Variants in TXNDC16 observed in about 807,000 individuals in gnomAD.
The protein encoded by TXNDC16 is thioredoxin domain-containing protein 16.
TXNDC16 carries 74 observed loss-of-function variants against 85.6 expected under a neutral mutation model. That is an observed-to-expected ratio of 0.86 (90% confidence interval 0.72 to 1.05). TXNDC16 has a LOEUF of 1.05. Ranked by LOEUF, TXNDC16 falls within the 50% of genes least tolerant of loss-of-function variation. TXNDC16 has a pLI of 0.00. For synonymous variants in TXNDC16, 335 were observed against 326.5 expected (o/e 1.03, Z -0.28); for missense variants, 959 against 947.0 (o/e 1.01, Z -0.17).
intron 12 of TXNDC16, among the ~76,000 whole-genome samples, chr14:52,485,855 T>C (rs1016404814): frequency 6.6e-6 from 1 of 152,176 alleles, no homozygotes; most frequent in Non-Finnish European, 1.5e-5. Context: ...ACTATCCTCA[T>C]CGTTAGGAGA....
intron 6 of TXNDC16, among the ~76,000 whole-genome samples, chr14:52,528,984 CTATATAAAACCTAT>C (rs2037408201): frequency 2.0e-5 from 3 of 147,166 alleles, no homozygotes; most frequent in African/African-American, 7.4e-5. Flanking sequence ...TCTATATAAT[CTATATAAAACCTAT>C]TATATATTTT....
chr14:52,543,534 A>G lies in TXNDC16; in HGVS notation c.24T>C (p.Phe8=). MFSGFNV[F]RVGISFVIMC... ...TTATGACAAAAGAGATCCCAACTCT[A>G]AAGACATTGAAGCCGGAAAACATTA... Residue 8 remains phenylalanine, a synonymous_variant, in exon 3 of 21, where the codon TTT becomes TTC. Transcript: ENST00000281741. The G allele has an allele frequency of 7.4e-6, 12 of 1,613,154 alleles. No homozygotes were observed. The highest frequency in any genetic ancestry group is 9.3e-6 in the Non-Finnish European group (11 of 1,179,620).
At chr14:52,504,428 A>G (rs1403810732) in intron 9 of TXNDC16, among the ~76,000 whole-genome samples, 2 of 152,210 alleles carry the variant, frequency 1.3e-5, no homozygotes, top group East Asian at 3.8e-4. Context: ...ACATTCTTAA[A>G]GAAAAGAATT....
chr14:52,523,419 C>T (rs893046590), intron 6 of TXNDC16, among the ~76,000 whole-genome samples: 1 of 152,098 alleles, frequency 6.6e-6, no homozygotes, highest in African/African-American at 2.4e-5. Context: ...GAGATACAGA[C>T]AATTTTTGTA....
At chr14:52,448,145 CAG>C (rs2035327495) in intron 18 of TXNDC16, among the ~76,000 whole-genome samples, 2 of 151,454 alleles carry the variant, frequency 1.3e-5, no homozygotes, top group South Asian at 4.2e-4. Context: ...AAGATAGTAA[CAG>C]AGAATTTCCC....
intron 6 of TXNDC16, among the ~76,000 whole-genome samples, chr14:52,522,447 T>C (rs2037231834): frequency 6.6e-6 from 1 of 152,324 alleles, no homozygotes; most frequent in East Asian, 1.9e-4. Context: ...CCAGGCTCCT[T>C]GCTACAAGGC....
chr14:52,450,941 C>T (rs1011418941), intron 18 of TXNDC16, among the ~76,000 whole-genome samples: 6 of 151,374 alleles, frequency 4.0e-5, no homozygotes, highest in African/African-American at 1.5e-4. Flanking sequence ...GAATACTACT[C>T]AGCCATAAAA....
intron 9 of TXNDC16, among the ~76,000 whole-genome samples, chr14:52,509,315 C>G (rs1008896668): frequency 6.6e-6 from 1 of 152,020 alleles, no homozygotes; most frequent in Non-Finnish European, 1.5e-5. Context: ...CCTGAGAATT[C>G]TTAATAATAC....
chr14:52,536,477 G>A (rs566404613), intron 6 of TXNDC16, among the ~76,000 whole-genome samples: 10 of 152,278 alleles, frequency 6.6e-5, no homozygotes, highest in Admixed American at 3.3e-4. Flanking sequence ...GACCTCACTC[G>A]ATGTGGTTTT....
At chr14:52,542,598 C>A in intron 3 of TXNDC16, 145 bp from the exon 4 acceptor site, 1 of 516,578 alleles carries the variant, frequency 1.9e-6, no homozygotes. Context: ...TTTTCACACC[C>A]TTATTTTACT....
intron 4 of TXNDC16, among the ~76,000 whole-genome samples, chr14:52,541,597 G>A (rs1484932115): frequency 6.6e-6 from 1 of 152,098 alleles, no homozygotes; most frequent in East Asian, 1.9e-4. Context: ...TGTCTGCTCT[G>A]GGAACTCTAG....
intron 16 of TXNDC16, among the ~76,000 whole-genome samples, chr14:52,465,642 C>A (rs1160094796): frequency 6.6e-6 from 1 of 150,954 alleles, no homozygotes; most frequent in African/African-American, 2.4e-5. Context: ...CAAGAGGCCA[C>A]CTAGATGCAA....
intron 7 of TXNDC16, 62 bp from the exon 8 acceptor site, chr14:52,515,032 A>G: frequency 1.6e-6 from 2 of 1,233,358 alleles, no homozygotes; most frequent in Non-Finnish European, 2.3e-6. Flanking sequence ...CTCTATGTAA[A>G]CTTCTATTCT....
intron 6 of TXNDC16, among the ~76,000 whole-genome samples, chr14:52,530,436 T>TA (rs2037511696): frequency 6.2e-4 from 11 of 17,868 alleles, no homozygotes; most frequent in East Asian, 5.2e-3. Context: ...TATAATAATA[T>TA]ATAATATATT....
rs140865083 is a variant in TXNDC16 at position 52,446,828 on chromosome 14, A to G, written c.1843-6104T>C. Among the ~76,000 whole-genome samples, 278 of 152,230 alleles carry G rather than the reference A, an allele frequency of 1.8e-3. 1 individual carries two copies. Among genetic ancestry groups the G allele is most frequent in the Non-Finnish European group, 3.0e-3 (207 of 68,006 alleles). On this transcript the variant is annotated intron_variant, in intron 18 of 20. Transcript: ENST00000281741. ...CATTTCTAGATACACCCTGGGCCAG[A>G]AGGGAAACTGCTACCTCTATGGGAA... is the stretch of plus-strand genomic sequence containing the variant.
chr14:52,515,962 T>C (rs1424621251), intron 7 of TXNDC16, among the ~76,000 whole-genome samples: 1 of 152,136 alleles, frequency 6.6e-6, no homozygotes, highest in Non-Finnish European at 1.5e-5. Flanking sequence ...TTCTTCACTA[T>C]AGTTTTAACT....
intron 16 of TXNDC16, among the ~76,000 whole-genome samples, chr14:52,467,638 C>T (rs962165241): frequency 3.9e-5 from 6 of 152,130 alleles, no homozygotes; most frequent in Non-Finnish European, 8.8e-5. Context: ...AACCCCTGTA[C>T]ACTGTTGGTA....
intron 9 of TXNDC16, among the ~76,000 whole-genome samples, chr14:52,498,864 G>A (rs969859191): frequency 6.6e-6 from 1 of 152,020 alleles, no homozygotes; most frequent in African/African-American, 2.4e-5. Context: ...AGATAGCCCA[G>A]ACAATCTTGA....
At chr14:52,481,267 G>A (rs905323868) in intron 14 of TXNDC16, among the ~76,000 whole-genome samples, 11 of 151,708 alleles carry the variant, frequency 7.3e-5, no homozygotes, top group Non-Finnish European at 1.3e-4. Context: ...CAGGTGATGA[G>A]TGCACCAATA....
Sources: gnomAD v4.1 joint callset for allele counts (sites outside exome capture counted in the v4.1 genomes callset) on GRCh38, gnomAD v4.1.1 for gene constraint, MANE v1.5 for transcripts, NCBI Gene and HGNC (gene_info 2026-07-23, HGNC 2026-07-21) for gene names.